The following JAKMIP2 variants were observed in gnomAD, a reference collection of about 807,000 sequenced individuals.
JAKMIP2 encodes janus kinase and microtubule interacting protein 2.
In JAKMIP2, 25 loss-of-function variants were observed where a neutral mutation model predicts 115.0. The ratio of observed to expected loss-of-function variants is 0.22; its 90% CI spans 0.16 to 0.30. JAKMIP2 has a LOEUF of 0.30. Ranked by LOEUF, JAKMIP2 falls within the 10% of genes least tolerant of loss-of-function variation. The pLI is 1.00. For synonymous variants in JAKMIP2, 334 were observed against 343.6 expected (o/e 0.97, Z 0.31); for missense variants, 642 against 957.6 (o/e 0.67, Z 4.35).
In JAKMIP2 at chr5:147,617,876, C is replaced by A. The variant is rs778356462; in HGVS notation, c.2346+35G>T. 3.8e-6 allele frequency: 6 copies of A among 1,576,468 alleles called. No homozygotes were observed. The South Asian group carries it at 5.5e-5, about 15-fold the overall frequency. On this transcript the variant is annotated intron_variant, in intron 19 of 21. Transcript: ENST00000616793. ...TAGTACTAAGTTCCATTTGCTAGTA[C>A]TAACCCTACGCAGAGGCAGTGACTC...
At chr5:147,642,517 T>G (rs2126721832) in intron 7 of JAKMIP2, among the ~76,000 whole-genome samples, 1 of 152,232 alleles carries the variant, frequency 6.6e-6, no homozygotes, top group South Asian at 2.1e-4. Flanking sequence ...CTATAAAAAA[T>G]TTACAGCTTA....
intron 17 of JAKMIP2, among the ~76,000 whole-genome samples, chr5:147,623,145 G>A (rs953179554): frequency 1.2e-4 from 18 of 151,696 alleles, no homozygotes; most frequent in South Asian, 2.1e-4. Flanking sequence ...CAACTCTTGC[G>A]CTCAAGCACA....
At chr5:147,676,665 C>G (rs1161601407) in intron 1 of JAKMIP2, among the ~76,000 whole-genome samples, 1 of 152,196 alleles carries the variant, frequency 6.6e-6, no homozygotes, top group Non-Finnish European at 1.5e-5. Context: ...AATCAGGCAC[C>G]TCCTACAGCC....
chr5:147,673,092 A>G (rs1369202038), intron 1 of JAKMIP2, among the ~76,000 whole-genome samples: 1 of 152,168 alleles, frequency 6.6e-6, no homozygotes, highest in Non-Finnish European at 1.5e-5. Flanking sequence ...ATGCAAGAAG[A>G]CCACATAGAA....
intron 19 of JAKMIP2, among the ~76,000 whole-genome samples, chr5:147,615,793 A>T (rs1000851190): frequency 3.9e-5 from 6 of 152,122 alleles, no homozygotes; most frequent in Non-Finnish European, 7.3e-5. Context: ...TGTCTAGCAC[A>T]GTACTTAGCA....
chr5:147,749,151 A>G (rs1029514261), intron 1 of JAKMIP2, among the ~76,000 whole-genome samples: 17 of 152,202 alleles, frequency 1.1e-4, no homozygotes, highest in Admixed American at 4.6e-4. Flanking sequence ...AAATTTGTCA[A>G]TTTGAAGCCT....
At chr5:147,684,547 G>A (rs755068290) in intron 1 of JAKMIP2, among the ~76,000 whole-genome samples, 20 of 152,186 alleles carry the variant, frequency 1.3e-4, no homozygotes, top group Non-Finnish European at 2.8e-4. Flanking sequence ...TAGGACAAGT[G>A]GAGATAAGTG....
At chr5:147,729,722 C>T (rs1175513214) in intron 1 of JAKMIP2, among the ~76,000 whole-genome samples, 2 of 149,928 alleles carry the variant, frequency 1.3e-5, no homozygotes, top group Non-Finnish European at 3.0e-5. Context: ...TGCAGTGAGC[C>T]GAGATCGCGC....
rs541458489 is a variant in JAKMIP2, at chr5:147,782,585, T to G, written c.-278A>C. 3 of 939,596 alleles carry G rather than the reference T, an allele frequency of 3.2e-6. No homozygotes were observed. The highest frequency in any genetic ancestry group is 2.0e-5 in the Admixed American group (1 of 50,056). 58.2% of individuals were successfully genotyped at this position (939,596 alleles called of 1,614,324 possible). On this transcript the variant is annotated 5_prime_UTR_variant, in exon 1 of 22. Transcript: ENST00000616793. ...TGGCTGCCGGTTTTTTTTTTCCCTC[T>G]GTCTCTGGTTGGCGATGGTGCGAAT... is the stretch of plus-strand genomic sequence containing the variant.
At chr5:147,592,674 T>G (rs4705182) in intron 21 of JAKMIP2, among the ~76,000 whole-genome samples, 147,598 of 152,302 alleles carry the variant, frequency 0.97, 71,706 homozygotes, top group East Asian at 1. Flanking sequence ...CCAAAGCTAA[T>G]TTATTTAACT....
intron 1 of JAKMIP2, among the ~76,000 whole-genome samples, chr5:147,715,023 C>T (rs1752918398): frequency 6.6e-6 from 1 of 152,062 alleles, no homozygotes; most frequent in Non-Finnish European, 1.5e-5. Context: ...AAAGTGATAG[C>T]ATCTAATTCT....
At position 147,690,578 on chromosome 5, in the gene JAKMIP2, T is replaced by C. The variant is rs1165146847; in HGVS notation, c.-148-18624A>G. On this transcript the variant is annotated intron_variant, in intron 1 of 21. Transcript: ENST00000616793. ...ATATATATATATATATATATATATA[T>C]ATATATGCACATATGCACACACATC... is the stretch of plus-strand genomic sequence containing the variant. Among the ~76,000 whole-genome samples, 114 of 114,910 alleles carry C rather than the reference T, an allele frequency of 9.9e-4. 2 individuals are homozygous for C. The highest frequency in any genetic ancestry group is 3.8e-3 in the African/African-American group (111 of 28,936). 75.4% of individuals were successfully genotyped at this position (114,910 alleles called of 152,430 possible). A position where few individuals can be genotyped will look rare whatever the true frequency, so the allele number is the denominator to read the frequency against.
chr5:147,649,261 C>A (rs985716546), intron 4 of JAKMIP2, among the ~76,000 whole-genome samples: 1 of 152,134 alleles, frequency 6.6e-6, no homozygotes, highest in African/African-American at 2.4e-5. Context: ...TTCAGTAGAA[C>A]AGGTAAAATT....
Position 147,661,151 on chromosome 5 carries a change from G to T in JAKMIP2, c.424C>A (p.Arg142=). ...AGGCGCTCTGTGTCAAACAGTTTCCGGGCCTCCTCCCGGGCCTCAATGGTG... is the reference window on the plus strand; with the variant it reads ...AGGCGCTCTGTGTCAAACAGTTTCCTGGCCTCCTCCCGGGCCTCAATGGTG... ...ALTIEAREEA[R]KLFDTERLKL... Residue 142 remains arginine (R), a synonymous_variant, in exon 3 of 22, where the codon CGG becomes AGG. Transcript: ENST00000616793. The T allele has an allele frequency of 6.2e-7, 1 of 1,613,994 alleles. No individual in the cohort carries two copies. Among genetic ancestry groups the T allele is most frequent in the South Asian group, 1.1e-5 (1 of 91,072 alleles).
At chr5:147,769,750 T>C in intron 1 of JAKMIP2, among the ~76,000 whole-genome samples, 1 of 150,320 alleles carries the variant, frequency 6.7e-6, no homozygotes, top group Non-Finnish European at 1.5e-5. Context: ...GCCTGGATCC[T>C]ATCCTCCTTG....
At chr5:147,631,556 A>C (rs751465885) in intron 13 of JAKMIP2, 45 bp from the exon 14 acceptor site, 1 of 1,260,284 alleles carries the variant, frequency 7.9e-7, no homozygotes, top group Non-Finnish European at 1.2e-6. Flanking sequence ...AACAAAACTG[A>C]TTAATTAAAC....
At chr5:147,716,017 C>T (rs1327286186) in intron 1 of JAKMIP2, among the ~76,000 whole-genome samples, 249 of 127,088 alleles carry the variant, frequency 2.0e-3, no homozygotes, top group South Asian at 5.9e-3. Flanking sequence ...ACAACAGTCC[C>T]CAGAGTGTGA....
intron 4 of JAKMIP2, among the ~76,000 whole-genome samples, chr5:147,648,961 C>T (rs1434250656): frequency 2.0e-5 from 3 of 152,080 alleles, no homozygotes; most frequent in African/African-American, 7.2e-5. Flanking sequence ...AGAAAAAGGT[C>T]AAGGTGAGAA....
chr5:147,724,600 C>G (rs1753443346), intron 1 of JAKMIP2, among the ~76,000 whole-genome samples: 1 of 152,152 alleles, frequency 6.6e-6, no homozygotes, highest in African/African-American at 2.4e-5. Context: ...AAGTGACTCA[C>G]TAAATCCCTT....
Sources: allele counts gnomAD v4.1 joint callset (sites outside exome capture counted in the v4.1 genomes callset), GRCh38; gene constraint gnomAD v4.1.1; transcripts MANE v1.5; gene names NCBI Gene and HGNC (gene_info 2026-07-23, HGNC 2026-07-21).